FAM83F: variants seen among roughly 807,000 people sequenced by gnomAD.
The protein encoded by FAM83F is scaffolding CK1 anchoring protein F.
Under a neutral mutation model 42.9 loss-of-function variants are expected in FAM83F, and 45 were observed. The observed-to-expected ratio is 1.05, with a 90% CI of 0.83 to 1.35. The LOEUF is 1.35. Among genes scored for constraint, FAM83F ranks in the 40% most tolerant of loss-of-function variants. FAM83F has a pLI of 0.00. For synonymous variants in FAM83F, 306 were observed against 298.3 expected, an observed-to-expected ratio of 1.03 and a Z score of -0.27; for missense variants, 617 against 695.9, an observed-to-expected ratio of 0.89 and a Z score of 1.28.
At chr22:39,999,802 A>G (rs1425336111) in intron 1 of FAM83F, among the ~76,000 whole-genome samples, 2 of 152,176 alleles carry the variant, frequency 1.3e-5, no homozygotes, top group Non-Finnish European at 2.9e-5. Flanking sequence ...GCCTGCCTGA[A>G]TGGTTGAGGA....
rs760501103 is a variant in FAM83F, at chr22:40,021,511, G to A, written c.1001G>A (p.Arg334His). The change falls in exon 4 of 5, where the codon CGC (arginine) becomes CAC (histidine). Residue 334 changes from arginine to histidine, a missense_variant. Arg to His is a conservative substitution (Grantham distance 29, BLOSUM62 0). Coordinates refer to ENST00000333407, the MANE Select transcript of FAM83F (RefSeq NM_138435.4). This position sits in a 1 kb window ranked among gnomAD's most constrained non-coding sequence, Gnocchi z 8.7. ...AAGTACGCCTTGGTGTCAGGCTGCC[G>A]CCACCCGCCTGGGGAGATGATGCGC... ...NPKYALVSGCRHPPGEMMRWA... is the reference protein window; with the variant it reads ...NPKYALVSGCHHPPGEMMRWA... The A allele has an allele frequency of 1.3e-5, 20 of 1,577,378 alleles. No individual in the cohort carries two copies. In the East Asian group the frequency reaches 2.0e-4, roughly 16 times the overall value.
At chr22:40,020,238 TG>T (rs2067512428) in intron 3 of FAM83F, among the ~76,000 whole-genome samples, 1 of 152,148 alleles carries the variant, frequency 6.6e-6, no homozygotes, top group South Asian at 2.1e-4. Context: ...CTGTTTTTCA[TG>T]GTCCATTTGC....
chr22:40,004,267 A>AATTTAATTTTATTTTATTTTATTTT (rs2067416263), intron 1 of FAM83F, among the ~76,000 whole-genome samples: 4 of 133,752 alleles, frequency 3.0e-5, no homozygotes, highest in Admixed American at 1.5e-4. Context: ...GCCCTTTTAG[A>AATTTAATTTTATTTTATTTTATTTT]ATTTTATTTT....
In FAM83F at chr22:40,029,613, CCCTGT is replaced by C. The variant is rs1569237402; in HGVS notation, c.*49_*53del. 1 of 1,595,768 alleles carries C rather than the reference CCCTGT, an allele frequency of 6.3e-7. No individual in the cohort carries two copies. The highest frequency in any genetic ancestry group is 1.7e-4 in the Middle Eastern group (1 of 6,032). ...GACGTGTGGATGCCTGCCTGCCCTGCCCTGTGCTGTGGAGAGCGCAGGTCGCACAC... is the reference window on the plus strand; with the variant it reads ...GACGTGTGGATGCCTGCCTGCCCTGCGCTGTGGAGAGCGCAGGTCGCACAC... On this transcript the variant is annotated 3_prime_UTR_variant, in exon 5 of 5. Transcript: ENST00000333407.
Position 40,021,619 on chromosome 22 carries a change from G to T in FAM83F, c.1109G>T (p.Arg370Leu). The T allele has an allele frequency of 6.3e-7, 1 of 1,588,856 alleles. No individual in the cohort carries two copies. The highest frequency in any genetic ancestry group is 8.6e-7 in the Non-Finnish European group (1 of 1,162,258). Residue 370 changes from arginine (R) to leucine (L), a missense_variant, in exon 4 of 5, where the codon CGC becomes CTC. Physicochemically the swap from Arg to Leu is moderately radical, Grantham distance 102. Transcript: ENST00000333407. This position sits in a 1 kb window ranked among gnomAD's most constrained non-coding sequence, Gnocchi z 8.7. ...EGASGGESAW[R>L]LESFLKDLVT... The stretch of plus-strand genomic sequence containing the variant: ...GCCAGCGGTGGCGAGTCGGCCTGGC[G>T]CCTGGAGAGCTTCCTGAAAGACCTG...
chr22:40,026,958 T>A (rs2067556830), intron 4 of FAM83F, among the ~76,000 whole-genome samples: 1 of 152,190 alleles, frequency 6.6e-6, no homozygotes, highest in African/African-American at 2.4e-5. Context: ...GCTAAACCCC[T>A]AAGTAGCTCG....
In FAM83F at chr22:39,995,604, G is replaced by C; in HGVS notation, c.489+73G>C. The stretch of plus-strand genomic sequence containing the variant: ...CCCCTGGACCGGGCCCCACCTCCCA[G>C]GCAGGGCCCGGGGCAGGCCGCCCTG... On this transcript the variant is annotated intron_variant, in intron 1 of 4. Transcript: ENST00000333407. The surrounding 1 kb of genome is among the most constrained non-coding windows in gnomAD (Gnocchi z 4.6). 8.9e-6 allele frequency: 13 copies of C among 1,452,712 alleles called. No individual in the cohort carries two copies. In the South Asian group the frequency reaches 1.5e-4, roughly 17 times the overall value. The allele number at this position is 1,452,712 out of a possible 1,614,324, so 90.0% of individuals were successfully genotyped here.
chr22:40,014,201 T>C (rs1483057948), intron 1 of FAM83F, among the ~76,000 whole-genome samples: 2 of 149,044 alleles, frequency 1.3e-5, no homozygotes, highest in Admixed American at 6.7e-5. Context: ...ATAGTAGTGA[T>C]AGTGAGTATC....
chr22:40,014,302 C>A (rs1024078141), intron 1 of FAM83F, among the ~76,000 whole-genome samples: 1 of 151,850 alleles, frequency 6.6e-6, no homozygotes, highest in African/African-American at 2.4e-5. Flanking sequence ...TAGAGCTGAC[C>A]AAGTTAAGGA....
rs544071848 is a variant in FAM83F, at chr22:40,041,977, G to C, written c.*12412G>C. On this transcript the variant is annotated 3_prime_UTR_variant, in exon 5 of 5. Transcript: ENST00000333407. ...AGGCTCAAGCAATCCTCCCACCTCAGCATCCCAAGTAGCTGGGACTGTAGG... is the reference window on the plus strand; with the variant it reads ...AGGCTCAAGCAATCCTCCCACCTCACCATCCCAAGTAGCTGGGACTGTAGG... 4.4e-4 allele frequency: 67 copies of C among 152,004 alleles called. No individual in the cohort carries two copies. The highest frequency in any genetic ancestry group is 1.5e-3 in the African/African-American group (64 of 41,420). 9.4% of individuals were successfully genotyped at this position (152,004 alleles called of 1,614,324 possible). A position where few individuals can be genotyped will look rare whatever the true frequency, so the allele number is the denominator to read the frequency against.
chr22:40,025,973 G>A (rs985811756), intron 4 of FAM83F, among the ~76,000 whole-genome samples: 2 of 152,214 alleles, frequency 1.3e-5, no homozygotes, highest in African/African-American at 4.8e-5. Context: ...AGATGACTGG[G>A]AAATGGCCAA....
rs1307332567 is a variant in FAM83F, at chr22:40,032,607, G to C, written c.*3042G>C. 6.8e-6 allele frequency: 1 copy of C among 146,094 alleles called. No homozygotes were observed. The highest frequency in any genetic ancestry group is 2.2e-4 in the South Asian group (1 of 4,606). 9.0% of individuals were successfully genotyped at this position (146,094 alleles called of 1,614,324 possible). ...TTCTGAGACAGAGTCTCACCCTGTT[G>C]CCCAGGCTGGAGTGCAGTGACAGCG... On this transcript the variant is annotated 3_prime_UTR_variant, in exon 5 of 5. Coordinates refer to ENST00000333407, the MANE Select transcript of FAM83F (RefSeq NM_138435.4).
Position 39,995,113 on chromosome 22 carries a change from CCTT to C in FAM83F, c.74_76del (p.Phe25del). The C allele has an allele frequency of 7.3e-7, 1 of 1,363,148 alleles. No individual in the cohort carries two copies. Among genetic ancestry groups the C allele is most frequent in the East Asian group, 3.0e-5 (1 of 33,306 alleles). 84.4% of individuals were successfully genotyped at this position (1,363,148 alleles called of 1,614,324 possible). A position where few individuals can be genotyped will look rare whatever the true frequency, so the allele number is the denominator to read the frequency against. ...GAGAAGGTGACCGAGGCGCAGGCCG[CCTT>C]CTACTACTGCGAGCGGCGGCGGGCC... On this transcript the variant is annotated inframe_deletion, in exon 1 of 5. Transcript: ENST00000333407. The surrounding 1 kb of genome is among the most constrained non-coding windows in gnomAD (Gnocchi z 4.6).
chr22:40,026,232 CTGTT>C (rs1164109059), intron 4 of FAM83F, among the ~76,000 whole-genome samples: 23 of 152,140 alleles, frequency 1.5e-4, no homozygotes, highest in Non-Finnish European at 7.4e-5. Context: ...CCTTTAAAGA[CTGTT>C]TGGGCCCGGC....
At position 40,016,307 on chromosome 22, in the gene FAM83F, A is replaced by G. The variant is rs112852541; in HGVS notation, c.490-2861A>G. ...AGCCTCAACCTCATAGGCTCAAGCAATCCTCCTGCCTCAGCCTCCCAAGTA... is the reference window on the plus strand; with the variant it reads ...AGCCTCAACCTCATAGGCTCAAGCAGTCCTCCTGCCTCAGCCTCCCAAGTA... On this transcript the variant is annotated intron_variant, in intron 1 of 4. Transcript: ENST00000333407. Among the ~76,000 whole-genome samples, 479 of 152,252 alleles carry G rather than the reference A, an allele frequency of 3.1e-3. 1 individual carries two copies. Among genetic ancestry groups the G allele is most frequent in the Non-Finnish European group, 5.4e-3 (366 of 68,020 alleles).
In FAM83F at chr22:40,021,160, G is replaced by C. The variant is rs1203880589; in HGVS notation, c.780-130G>C. 1 of 1,081,810 alleles carries C rather than the reference G, an allele frequency of 9.2e-7. No homozygotes were observed. The highest frequency in any genetic ancestry group is 2.5e-5 in the East Asian group (1 of 39,688). 67.0% of individuals were successfully genotyped at this position (1,081,810 alleles called of 1,614,324 possible). A position where few individuals can be genotyped will look rare whatever the true frequency, so the allele number is the denominator to read the frequency against. On this transcript the variant is annotated intron_variant, in intron 3 of 4. Coordinates refer to ENST00000333407, the MANE Select transcript of FAM83F (RefSeq NM_138435.4). This position sits in a 1 kb window ranked among gnomAD's most constrained non-coding sequence, Gnocchi z 8.7. ...GGTGGGTGGAGGGAATCAGTCCAGC[G>C]TGTGGCCCACAAGGAGCCGTACACC...
At chr22:40,014,745 A>T (rs1467017689) in intron 1 of FAM83F, among the ~76,000 whole-genome samples, 2 of 151,984 alleles carry the variant, frequency 1.3e-5, no homozygotes, top group African/African-American at 2.4e-5. Context: ...CCGGTTTTTG[A>T]TTCAGTGTTC....
chr22:40,036,368 C>T lies in FAM83F; in HGVS notation c.*6803C>T, dbSNP rs2067623999. 1 of 152,178 alleles carries T rather than the reference C, an allele frequency of 6.6e-6. No individual in the cohort carries two copies. 9.4% of individuals were successfully genotyped at this position (152,178 alleles called of 1,614,324 possible). On this transcript the variant is annotated 3_prime_UTR_variant, in exon 5 of 5. Coordinates refer to ENST00000333407, the MANE Select transcript of FAM83F (RefSeq NM_138435.4). ...CGACAGAAAGGGAGAGAAAACCTGC[C>T]AGAGATGCCATTTCGGAGCCACTCT...
At chr22:40,003,483 G>A (rs565048711) in intron 1 of FAM83F, among the ~76,000 whole-genome samples, 1 of 152,210 alleles carries the variant, frequency 6.6e-6, no homozygotes, top group Non-Finnish European at 1.5e-5. Context: ...GGGGAGGTGG[G>A]GAGGAGGGCA....
Sources: allele counts gnomAD v4.1 joint callset (sites outside exome capture counted in the v4.1 genomes callset), GRCh38; gene constraint gnomAD v4.1.1; non-coding constraint Gnocchi (gnomAD v3.1); transcripts MANE v1.5; gene names NCBI Gene and HGNC (gene_info 2026-07-23, HGNC 2026-07-21).